Variants in CR1 observed in about 807,000 individuals in gnomAD.
The protein encoded by CR1 is complement C3b/C4b receptor 1 (Knops blood group).
CR1 carries 116 observed loss-of-function variants against 187.3 expected under a neutral mutation model. The ratio of observed to expected loss-of-function variants is 0.62; its 90% CI spans 0.53 to 0.72. The LOEUF is 0.72. CR1 is among the 30% of genes least tolerant of loss of function. CR1 has a pLI of 0.00. For synonymous variants in CR1, 576 were observed against 747.1 expected, an observed-to-expected ratio of 0.77 and a Z score of 3.73; for missense variants, 1,731 against 2,110.7, an observed-to-expected ratio of 0.82 and a Z score of 3.52.
chr1:207,524,420 G>C (rs1432552047), intron 5 of CR1, among the ~76,000 whole-genome samples: 2 of 152,022 alleles, frequency 1.3e-5, no homozygotes, highest in Non-Finnish European at 2.9e-5. Flanking sequence ...GTCTTGATCT[G>C]TCACTCACGT....
intron 3 of CR1, among the ~76,000 whole-genome samples, chr1:207,510,033 C>G (rs759332027): frequency 2.6e-5 from 4 of 152,160 alleles, no homozygotes; most frequent in East Asian, 1.9e-4. Context: ...TGTGGTGAAG[C>G]CTGTTTCTAC....
chr1:207,622,770 T>C (rs1372185177), intron 44 of CR1, among the ~76,000 whole-genome samples: 2 of 152,152 alleles, frequency 1.3e-5, no homozygotes, highest in East Asian at 3.8e-4. Flanking sequence ...AAAGCTGACA[T>C]TGGACTAAAC....
At chr1:207,615,890 T>A (rs1662076425) in intron 40 of CR1, among the ~76,000 whole-genome samples, 1 of 152,188 alleles carries the variant, frequency 6.6e-6, no homozygotes. Context: ...TACACATAAT[T>A]CTGATAAATT....
intron 45 of CR1, among the ~76,000 whole-genome samples, chr1:207,626,074 A>G (rs1662470879): frequency 1.3e-5 from 2 of 152,196 alleles, no homozygotes; most frequent in South Asian, 4.1e-4. Flanking sequence ...CCAAAGTTAC[A>G]TTATAAACTA....
At position 207,633,480 on chromosome 1, in the gene CR1, T is replaced by C. The variant is rs545114444; in HGVS notation, c.7457+2859T>C. 1.2e-4 allele frequency among the ~76,000 whole-genome samples: 18 copies of C among 152,366 alleles called. 1 individual carries two copies. In the South Asian group the frequency reaches 3.5e-3, roughly 30 times the overall value. On this transcript the variant is annotated intron_variant, in intron 46 of 46. Transcript: ENST00000367049. ...ATGACAAACATTTCTCCCATCATTA[T>C]AACAGTACATAACCTATAGTAATTG...
chr1:207,567,787 T>C (rs1473067199), intron 24 of CR1, 37 bp from the exon 25 acceptor site: 6 of 1,610,634 alleles, frequency 3.7e-6, no homozygotes, highest in Non-Finnish European at 5.1e-6. Flanking sequence ...CTGGTGAAAC[T>C]CCTGAATGAA....
intron 35 of CR1, among the ~76,000 whole-genome samples, chr1:207,603,951 A>C (rs1437682807): frequency 6.6e-6 from 1 of 152,180 alleles, no homozygotes; most frequent in African/African-American, 2.4e-5. Context: ...ATTTGAGTGA[A>C]AGGCTATGCA....
chr1:207,499,859 G>A (rs1187511060), intron 1 of CR1, among the ~76,000 whole-genome samples: 1 of 152,144 alleles, frequency 6.6e-6, no homozygotes, highest in Admixed American at 6.5e-5. Context: ...TCTAAAATAA[G>A]CTTCACATTT....
chr1:207,637,530 T>C (rs1471633928), intron 46 of CR1, among the ~76,000 whole-genome samples: 1 of 152,252 alleles, frequency 6.6e-6, no homozygotes, highest in Non-Finnish European at 1.5e-5. Context: ...ACATCCCGCT[T>C]ACCATGTGAT....
Position 207,496,203 on chromosome 1 carries a change from G to T in CR1, c.-65G>T. On this transcript the variant is annotated 5_prime_UTR_variant, in exon 1 of 47. The change abolishes the stop of an existing upstream ORF in the 5' untranslated region. Coordinates refer to ENST00000367049, the MANE Select transcript of CR1 (RefSeq NM_000651.6). Reference sequence around the variant, plus strand: ...ATGATTGGTCACTCCTATTTTCGCTGAGCTTTTCCTCTTATTTCAGTTTTC... The same window carrying T: ...ATGATTGGTCACTCCTATTTTCGCTTAGCTTTTCCTCTTATTTCAGTTTTC... The T allele has an allele frequency of 9.9e-6, 16 of 1,612,316 alleles. No homozygotes were observed. The highest frequency in any genetic ancestry group is 1.4e-5 in the Non-Finnish European group (16 of 1,179,434).
rs754721028 is a variant in CR1 at position 207,622,953 on chromosome 1, A to G, written c.7277-40A>G. ...AGATAGAATTTAAAACCTGTAAGTTATATTTTCCATGCATTTAATTACCTT... is the reference window on the plus strand; with the variant it reads ...AGATAGAATTTAAAACCTGTAAGTTGTATTTTCCATGCATTTAATTACCTT... On this transcript the variant is annotated intron_variant, in intron 44 of 46. Coordinates refer to ENST00000367049, the MANE Select transcript of CR1 (RefSeq NM_000651.6). 5.0e-6 allele frequency: 7 copies of G among 1,399,736 alleles called. No individual in the cohort carries two copies. In the South Asian group the frequency reaches 7.5e-5, roughly 15 times the overall value. The allele number at this position is 1,399,736 out of a possible 1,614,324, so 86.7% of individuals were successfully genotyped here.
chr1:207,580,648 G>A, intron 31 of CR1, 35 bp downstream of exon 31: 2 of 1,560,608 alleles, frequency 1.3e-6, no homozygotes, highest in Non-Finnish European at 1.8e-6. Flanking sequence ...CAGGGACTCA[G>A]CACTGCAGAG....
chr1:207,564,206 G>C lies in CR1; in HGVS notation c.3838G>C (p.Ala1280Pro). Residue 1280 changes from alanine (A) to proline (P), a missense_variant, in exon 23 of 47, where the codon GCA becomes CCA. This residue lies in a region of CR1 where 34 missense variants were observed against 79.5 expected (regional missense o/e 0.43). Coordinates refer to ENST00000367049, the MANE Select transcript of CR1 (RefSeq NM_000651.6). ...ATTTCCAGTAAATCTCCAGCTTGGA[G>C]CAAAAGTGGATTTTGTTTGTGATGA... is the stretch of plus-strand genomic sequence containing the variant. Reference protein sequence around the residue: ...VLFPVNLQLGAKVDFVCDEGF... With the variant: ...VLFPVNLQLGPKVDFVCDEGF... 1 of 1,587,046 alleles carries C rather than the reference G, an allele frequency of 6.3e-7. No individual in the cohort carries two copies. Among genetic ancestry groups the C allele is most frequent in the Non-Finnish European group, 8.5e-7 (1 of 1,170,816 alleles).
At position 207,592,279 on chromosome 1, in the gene CR1, G is replaced by T. The variant is rs183699758; in HGVS notation, c.5810+3505G>T. Among the ~76,000 whole-genome samples the T allele has an allele frequency of 1.7e-3, 259 of 152,288 alleles. 6 individuals are homozygous for T. The highest frequency in any genetic ancestry group is 0.016 in the Admixed American group (238 of 15,294). ...GCTGGCTTCATCCCTGAGATACAAG[G>T]CTGGTTCAACATACGCAAATCAATA... On this transcript the variant is annotated intron_variant, in intron 35 of 46. Coordinates refer to ENST00000367049, the MANE Select transcript of CR1 (RefSeq NM_000651.6).
chr1:207,505,497 T>A (rs1462815654), intron 1 of CR1, among the ~76,000 whole-genome samples: 1 of 152,098 alleles, frequency 6.6e-6, no homozygotes, highest in African/African-American at 2.4e-5. Context: ...CTTTTTCTTT[T>A]TTGATCACAT....
At chr1:207,626,635 C>G (rs1459635974) in intron 45 of CR1, among the ~76,000 whole-genome samples, 1 of 152,228 alleles carries the variant, frequency 6.6e-6, no homozygotes, top group East Asian at 1.9e-4. Flanking sequence ...ATGGCCTGCT[C>G]TATGGGAGAG....
chr1:207,518,207 G>T (rs1339078268), intron 4 of CR1, among the ~76,000 whole-genome samples: 4 of 151,860 alleles, frequency 2.6e-5, no homozygotes, highest in East Asian at 3.8e-4. Context: ...TGACCCATAG[G>T]CTGTTTAGAA....
At chr1:207,637,190 T>C (rs1225838084) in intron 46 of CR1, among the ~76,000 whole-genome samples, 6 of 151,834 alleles carry the variant, frequency 4.0e-5, no homozygotes, top group South Asian at 2.1e-4. Context: ...TTCCCAAGGG[T>C]AGAAAGACTG....
chr1:207,498,247 G>A (rs1659151163), intron 1 of CR1, among the ~76,000 whole-genome samples: 1 of 152,176 alleles, frequency 6.6e-6, no homozygotes, highest in African/African-American at 2.4e-5. Context: ...TGACTAAGAA[G>A]TCGTGCAAGA....
Sources: gnomAD v4.1 joint callset for allele counts (sites outside exome capture counted in the v4.1 genomes callset) on GRCh38, gnomAD v4.1.1 for gene constraint, gnomAD v4.1.1 regional missense constraint, MANE v1.5 for transcripts, NCBI Gene and HGNC (gene_info 2026-07-23, HGNC 2026-07-21) for gene names.